Variants in NUP210L observed in about 807,000 individuals in gnomAD.
NUP210L encodes nucleoporin 210 like.
NUP210L carries 74 observed loss-of-function variants against 208.5 expected under a neutral mutation model. The observed-to-expected ratio is 0.35, with a 90% CI of 0.29 to 0.43. NUP210L has a LOEUF of 0.43. Ranked by LOEUF, NUP210L falls within the 20% of genes least tolerant of loss-of-function variation. NUP210L has a pLI of 1.00. For missense variants in NUP210L, 1,843 were observed against 2,289.4 expected (o/e 0.81, Z 3.98); for synonymous variants, 780 against 816.9 (o/e 0.95, Z 0.77).
chr1:154,053,244 T>C (rs1185440263), intron 25 of NUP210L, among the ~76,000 whole-genome samples: 1 of 152,244 alleles, frequency 6.6e-6, no homozygotes, highest in Non-Finnish European at 1.5e-5. Context: ...TAGTAACCTG[T>C]TAACATGGAT....
At chr1:154,051,297 C>T (rs1245400540) in intron 25 of NUP210L, among the ~76,000 whole-genome samples, 1 of 152,040 alleles carries the variant, frequency 6.6e-6, no homozygotes, top group African/African-American at 2.4e-5. Flanking sequence ...GTAAGCTCTG[C>T]CTCCTGGGTT....
At chr1:154,126,542 A>G (rs1657990509) in intron 9 of NUP210L, 79 bp from the exon 10 acceptor site, 2 of 1,263,424 alleles carry the variant, frequency 1.6e-6, no homozygotes, top group Admixed American at 4.9e-5. Flanking sequence ...AAGCATCTAT[A>G]AAACTGTAGC....
At chr1:154,066,544 A>T (rs1654427313) in intron 17 of NUP210L, among the ~76,000 whole-genome samples, 1 of 152,154 alleles carries the variant, frequency 6.6e-6, no homozygotes, top group South Asian at 2.1e-4. Flanking sequence ...CCGGGAGGCG[A>T]AGCTTGCAGT....
At chr1:154,072,139 A>G (rs114492020) in intron 16 of NUP210L, among the ~76,000 whole-genome samples, 2,038 of 151,936 alleles carry the variant, frequency 0.013, 20 homozygotes, top group Non-Finnish European at 0.023. Flanking sequence ...CTGGGTAGCT[A>G]CCCAGCACTG....
intron 27 of NUP210L, among the ~76,000 whole-genome samples, chr1:154,038,879 G>A (rs948073482): frequency 6.6e-6 from 1 of 152,156 alleles, no homozygotes; most frequent in African/African-American, 2.4e-5. Context: ...CTAACAAACA[G>A]GAAAGGGAAA....
intron 16 of NUP210L, among the ~76,000 whole-genome samples, chr1:154,084,777 C>A (rs1655536842): frequency 1.4e-5 from 2 of 138,824 alleles, no homozygotes; most frequent in Admixed American, 7.5e-5. Flanking sequence ...CCAGCTGGGA[C>A]CCATATTTCT....
At chr1:154,029,778 C>G (rs566575476) in intron 28 of NUP210L, 118 bp downstream of exon 28, 1 of 746,410 alleles carries the variant, frequency 1.3e-6, no homozygotes, top group South Asian at 1.8e-5. Context: ...AAACCTGTTC[C>G]AGGAATCGCT....
At chr1:154,074,035 T>C (rs1654916185) in intron 16 of NUP210L, among the ~76,000 whole-genome samples, 1 of 151,586 alleles carries the variant, frequency 6.6e-6, no homozygotes, top group Non-Finnish European at 1.5e-5. Context: ...TTTTTGTCGT[T>C]GTTTTTTGTT....
At chr1:154,037,899 A>G (rs531549663) in intron 27 of NUP210L, among the ~76,000 whole-genome samples, 1 of 152,020 alleles carries the variant, frequency 6.6e-6, no homozygotes, top group Non-Finnish European at 1.5e-5. Flanking sequence ...GATTACAGGC[A>G]TGAGCCACCA....
chr1:154,151,176 A>AC (rs1356766086), intron 2 of NUP210L, among the ~76,000 whole-genome samples: 1 of 151,586 alleles, frequency 6.6e-6, no homozygotes, highest in Non-Finnish European at 1.5e-5. Flanking sequence ...TGACCAAATC[A>AC]ATGTTTTTTG....
Position 154,006,982 on chromosome 1 carries a change from T to A in NUP210L, c.4930+2990A>T, listed in dbSNP as rs1217578292. On this transcript the variant is annotated intron_variant, in intron 35 of 39. Coordinates refer to ENST00000368559, the Ensembl canonical transcript of NUP210L. ...TATATATATATTTTTTTTTTTTTTT[T>A]AAATGGAGTTTCGCTCTTTCACCCA... Among the ~76,000 whole-genome samples, 3 of 129,522 alleles carry A rather than the reference T, an allele frequency of 2.3e-5. No homozygotes were observed. In the East Asian group the frequency reaches 6.7e-4, roughly 29 times the overall value. The allele number at this position is 129,522 out of a possible 152,430, so 85.0% of individuals were successfully genotyped here.
At chr1:154,002,306 C>A (rs1189759269) in intron 35 of NUP210L, among the ~76,000 whole-genome samples, 1 of 151,988 alleles carries the variant, frequency 6.6e-6, no homozygotes, top group African/African-American at 2.4e-5. Context: ...GCCCGACCTC[C>A]CAGGCTCTGG....
chr1:154,041,089 C>G (rs1652848282), intron 27 of NUP210L, among the ~76,000 whole-genome samples: 1 of 152,060 alleles, frequency 6.6e-6, no homozygotes, highest in Non-Finnish European at 1.5e-5. Flanking sequence ...CTCAGTGTCC[C>G]AAGTAGCTGA....
intron 12 of NUP210L, among the ~76,000 whole-genome samples, chr1:154,107,715 G>T (rs1431116852): frequency 6.6e-6 from 1 of 151,474 alleles, no homozygotes; most frequent in Non-Finnish European, 1.5e-5. Context: ...AAAATAGAAA[G>T]AATAAGCTGG....
chr1:154,053,748 C>T (rs1653656840), intron 25 of NUP210L, among the ~76,000 whole-genome samples: 1 of 152,166 alleles, frequency 6.6e-6, no homozygotes, highest in Admixed American at 6.5e-5. Flanking sequence ...TTATCACTGG[C>T]TTGCTGTCTA....
chr1:154,004,075 G>GTT (rs1307562989), intron 35 of NUP210L, among the ~76,000 whole-genome samples: 1 of 144,360 alleles, frequency 6.9e-6, no homozygotes, highest in Non-Finnish European at 1.5e-5. Context: ...CCTGTTTTTT[G>GTT]TTTTTTTTTT....
intron 35 of NUP210L, among the ~76,000 whole-genome samples, chr1:154,004,722 C>G (rs1362892956): frequency 6.6e-6 from 1 of 152,132 alleles, no homozygotes; most frequent in African/African-American, 2.4e-5. Flanking sequence ...TCACGGCTCA[C>G]TGCAGCCTTG....
exon 16 of NUP210L, chr1:154,089,453 G>C: frequency 6.2e-7 from 1 of 1,614,176 alleles, no homozygotes; most frequent in South Asian, 1.1e-5. Flanking sequence ...AGAGGACATG[G>C]CTGGGCACCA....
At chr1:154,082,231 TC>T (rs1206303030) in intron 16 of NUP210L, among the ~76,000 whole-genome samples, 5 of 152,000 alleles carry the variant, frequency 3.3e-5, no homozygotes, top group African/African-American at 7.2e-5. Flanking sequence ...AGCCTGTGAG[TC>T]CCCCCATTTG....
Sources: gnomAD v4.1 joint callset for allele counts (sites outside exome capture counted in the v4.1 genomes callset) on GRCh38, gnomAD v4.1.1 for gene constraint, MANE v1.5 for transcripts, NCBI Gene and HGNC (gene_info 2026-07-23, HGNC 2026-07-21) for gene names.